Variants in ADAM22 observed in about 807,000 individuals in gnomAD.
ADAM22 encodes the protein disintegrin and metalloproteinase domain-containing protein 22.
In ADAM22, 65 loss-of-function variants were observed where a neutral mutation model predicts 144.6. The ratio of observed to expected loss-of-function variants is 0.45; its 90% CI spans 0.37 to 0.55. The LOEUF (loss-of-function observed/expected upper bound fraction) is 0.55. ADAM22 is among the 20% of genes least tolerant of loss of function. The pLI is 0.00. For synonymous variants in ADAM22, 391 were observed against 412.6 expected (o/e 0.95, Z 0.63); for missense variants, 974 against 1,184.9 (o/e 0.82, Z 2.61).
intron 13 of ADAM22, 120 bp downstream of exon 13, chr7:88,134,539 A>G: frequency 1.5e-6 from 1 of 661,100 alleles, no homozygotes; most frequent in Non-Finnish European, 2.5e-6. Flanking sequence ...ATAGTAAAAG[A>G]TAAACATCCA....
intron 2 of ADAM22, among the ~76,000 whole-genome samples, chr7:87,970,784 G>T (rs1380743938): frequency 6.6e-6 from 1 of 152,026 alleles, no homozygotes; most frequent in Non-Finnish European, 1.5e-5. Context: ...TAATAAATAG[G>T]CTCCAATCTG....
chr7:88,035,370 A>G (rs1801282509), intron 3 of ADAM22, among the ~76,000 whole-genome samples: 1 of 152,236 alleles, frequency 6.6e-6, no homozygotes, highest in South Asian at 2.1e-4. Flanking sequence ...TCCCACATTT[A>G]GCAGTCCATT....
chr7:88,012,680 G>T (rs914742239), intron 3 of ADAM22, among the ~76,000 whole-genome samples: 2 of 152,158 alleles, frequency 1.3e-5, no homozygotes, highest in African/African-American at 2.4e-5. Context: ...CTGTTCATGT[G>T]CTGGTAAGGT....
intron 3 of ADAM22, among the ~76,000 whole-genome samples, chr7:88,032,379 C>T (rs751414715): frequency 4.1e-4 from 63 of 152,174 alleles, no homozygotes; most frequent in African/African-American, 1.3e-3. Context: ...TTTGGACTTG[C>T]GTGGGGCTTG....
At chr7:88,122,421 G>A (rs979021601) in intron 7 of ADAM22, among the ~76,000 whole-genome samples, 11 of 152,158 alleles carry the variant, frequency 7.2e-5, no homozygotes, top group African/African-American at 2.4e-4. Flanking sequence ...ACAAAAGGGC[G>A]TGAGTACCAG....
intron 2 of ADAM22, among the ~76,000 whole-genome samples, chr7:87,947,298 G>C (rs990623636): frequency 6.6e-6 from 1 of 151,342 alleles, no homozygotes; most frequent in African/African-American, 2.4e-5. Context: ...AGCTGGTTTA[G>C]CTGTAAATAG....
intron 4 of ADAM22, among the ~76,000 whole-genome samples, chr7:88,101,461 G>A (rs907848579): frequency 6.6e-6 from 1 of 152,116 alleles, no homozygotes; most frequent in Non-Finnish European, 1.5e-5. Flanking sequence ...ATTCCTATCT[G>A]CCTGTGACTT....
chr7:88,054,285 A>G (rs901241101), intron 3 of ADAM22, among the ~76,000 whole-genome samples: 5 of 152,232 alleles, frequency 3.3e-5, no homozygotes, highest in Admixed American at 3.3e-4. Flanking sequence ...CCAGAAACAT[A>G]TGAAAGTTCC....
At chr7:87,934,880 G>C (rs1374103790) in intron 1 of ADAM22, 146 bp from the exon 2 acceptor site, 2 of 1,153,546 alleles carry the variant, frequency 1.7e-6, no homozygotes, top group African/African-American at 3.0e-5. Context: ...GTGTCTCTGC[G>C]TCCTTCCCAG....
intron 2 of ADAM22, among the ~76,000 whole-genome samples, chr7:87,965,552 A>C (rs1848871165): frequency 6.6e-6 from 1 of 152,156 alleles, no homozygotes; most frequent in Non-Finnish European, 1.5e-5. Context: ...AATGCTATGG[A>C]ATTTATTTGT....
intron 3 of ADAM22, among the ~76,000 whole-genome samples, chr7:87,984,182 T>G (rs1022220764): frequency 3.9e-5 from 6 of 152,292 alleles, no homozygotes; most frequent in Non-Finnish European, 8.8e-5. Flanking sequence ...CCCCAAGTGT[T>G]TCCTTTAACT....
At chr7:87,979,280 A>G (rs1852704657) in intron 3 of ADAM22, among the ~76,000 whole-genome samples, 1 of 152,200 alleles carries the variant, frequency 6.6e-6, no homozygotes, top group Non-Finnish European at 1.5e-5. Flanking sequence ...AAAGGCATGT[A>G]AGAGGCAAGA....
intron 4 of ADAM22, among the ~76,000 whole-genome samples, chr7:88,092,138 T>C (rs1485879076): frequency 1.3e-5 from 2 of 152,196 alleles, no homozygotes; most frequent in African/African-American, 4.8e-5. Flanking sequence ...GCCCATCTTT[T>C]GCCTATGTGT....
At chr7:88,051,186 C>T (rs955898917) in intron 3 of ADAM22, among the ~76,000 whole-genome samples, 1 of 152,162 alleles carries the variant, frequency 6.6e-6, no homozygotes, top group African/African-American at 2.4e-5. Context: ...TTTGACCCAG[C>T]CATCCCATTA....
chr7:88,128,527 C>A, intron 8 of ADAM22, 75 bp from the exon 9 acceptor site: 1 of 1,203,542 alleles, frequency 8.3e-7, no homozygotes, highest in Non-Finnish European at 1.2e-6. Flanking sequence ...TTGTCAGTTT[C>A]TTCCATATTT....
In ADAM22 at chr7:88,186,707, T is replaced by TAGG; in HGVS notation, c.2750+6_2750+7insAGG. 1 of 1,557,302 alleles carries TAGG rather than the reference T, an allele frequency of 6.4e-7. No homozygotes were observed. The highest frequency in any genetic ancestry group is 8.8e-7 in the Non-Finnish European group (1 of 1,129,956). On this transcript the variant is annotated splice_region_variant and intron_variant, in intron 30 of 31. Transcript: ENST00000413139. ...ACTGAAGGACCATACTTTAGGTATT[T>TAGG]TATAAATTAATTTTTATATCCTTCT...
At chr7:88,117,693 AT>A (rs11290840) in intron 7 of ADAM22, among the ~76,000 whole-genome samples, 59,417 of 134,786 alleles carry the variant, frequency 0.44, 13,165 homozygotes, top group East Asian at 0.86. Context: ...CCTTATTTTA[AT>A]TTTTTTTTTT....
intron 14 of ADAM22, 60 bp from the exon 15 acceptor site, chr7:88,142,966 G>A: frequency 1.9e-6 from 2 of 1,052,438 alleles, no homozygotes; most frequent in East Asian, 2.4e-5. Flanking sequence ...TCAGTTTTCA[G>A]ACATTCACAA....
chr7:88,183,784 T>A (rs1424575972), intron 29 of ADAM22, among the ~76,000 whole-genome samples: 2 of 151,340 alleles, frequency 1.3e-5, no homozygotes, highest in African/African-American at 4.8e-5. Flanking sequence ...AATTCTCACA[T>A]ACCTTCTTGT....
Sources: allele counts gnomAD v4.1 joint callset (sites outside exome capture counted in the v4.1 genomes callset), GRCh38; gene constraint gnomAD v4.1.1; transcripts MANE v1.5; gene names NCBI Gene and HGNC (gene_info 2026-07-23, HGNC 2026-07-21).